The following PADI4 variants were observed in gnomAD, a reference collection of about 807,000 sequenced individuals.
PADI4 encodes the protein protein-arginine deiminase type-4.
Under a neutral mutation model 75.0 loss-of-function variants are expected in PADI4, and 62 were observed. That is an observed-to-expected ratio of 0.83 (90% CI 0.67 to 1.02). The LOEUF is 1.02. Ranked by LOEUF, PADI4 falls within the 50% of genes least tolerant of loss-of-function variation. The pLI, the probability that PADI4 is intolerant of heterozygous loss-of-function variation, is 0.00. For missense variants in PADI4, 845 were observed against 850.5 expected (o/e 0.99, Z 0.08); for synonymous variants, 361 against 348.1 (o/e 1.04, Z -0.41).
At chr1:17,330,001 G>A (rs11203365) in intron 1 of PADI4, among the ~76,000 whole-genome samples, 1 of 151,928 alleles carries the variant, frequency 6.6e-6, no homozygotes, top group Non-Finnish European at 1.5e-5. Flanking sequence ...TGTTTCTTAA[G>A]AGGAAGGTCC....
At chr1:17,326,929 G>GTTTTT in intron 1 of PADI4, among the ~76,000 whole-genome samples, 1 of 130,166 alleles carries the variant, frequency 7.7e-6, no homozygotes. Context: ...TTGAGACACA[G>GTTTTT]TCTCACCCTC....
intron 1 of PADI4, among the ~76,000 whole-genome samples, chr1:17,320,798 C>T (rs1244653380): frequency 6.6e-6 from 1 of 152,148 alleles, no homozygotes; most frequent in Non-Finnish European, 1.5e-5. Flanking sequence ...CCTATCTCAT[C>T]CTGTGACTTA....
rs2074758169 is a variant in PADI4 at position 17,356,260 on chromosome 1, G to T, written c.1456-97G>T. On this transcript the variant is annotated intron_variant, in intron 12 of 15. Coordinates refer to ENST00000375448, the MANE Select transcript of PADI4 (RefSeq NM_012387.3). The surrounding 1 kb of genome is among the most constrained non-coding windows in gnomAD (Gnocchi z 4.1). Reference sequence around the variant, plus strand: ...GGCAGTAGAGGAGGTGGCCAGCTTGGGTCCAAGTCCACACTACTCCCACCC... The same window carrying T: ...GGCAGTAGAGGAGGTGGCCAGCTTGTGTCCAAGTCCACACTACTCCCACCC... 1.5e-6 allele frequency: 2 copies of T among 1,290,754 alleles called. No homozygotes were observed. The highest frequency in any genetic ancestry group is 2.0e-4 in the Middle Eastern group (1 of 4,950). The allele number at this position is 1,290,754 out of a possible 1,614,324, so 80.0% of individuals were successfully genotyped here.
intron 8 of PADI4, 117 bp downstream of exon 8, chr1:17,342,519 G>A (rs1570055363): frequency 6.1e-6 from 4 of 657,204 alleles, no homozygotes; most frequent in Non-Finnish European, 1.1e-5. Context: ...CTGAGAGCTT[G>A]CTGCTTGTTG....
At chr1:17,354,732 G>A in intron 11 of PADI4, 45 bp downstream of exon 11, 6 of 1,540,714 alleles carry the variant, frequency 3.9e-6, no homozygotes, top group Non-Finnish European at 5.3e-6. Flanking sequence ...ACCCAGGTAT[G>A]CCGTAGAAAA....
Position 17,338,049 on chromosome 1 carries a change from C to T in PADI4, c.420C>T (p.Thr140=). ...CTGCTGGTGTCCAGAGGACCTGGAC[C>T]TGGGGCCCTTGTGGACAGGGTGCCA... The part of the protein sequence containing the change: ...TRAVKDQRTW[T]WGPCGQGAIL... The change falls in exon 5 of 16, where the codon ACC becomes ACT. Residue 140 remains threonine (T), a synonymous_variant. Coordinates refer to ENST00000375448, the MANE Select transcript of PADI4 (RefSeq NM_012387.3). The T allele has an allele frequency of 1.2e-6, 2 of 1,612,098 alleles. No individual in the cohort carries two copies. The highest frequency in any genetic ancestry group is 1.7e-6 in the Non-Finnish European group (2 of 1,178,210).
At chr1:17,343,307 C>G (rs2074456712) in intron 8 of PADI4, among the ~76,000 whole-genome samples, 1 of 152,170 alleles carries the variant, frequency 6.6e-6, no homozygotes, top group South Asian at 2.1e-4. Flanking sequence ...GGACGGGGCC[C>G]ATCTGCATTT....
chr1:17,333,704 G>T (rs1480775603), intron 2 of PADI4, among the ~76,000 whole-genome samples: 1 of 151,756 alleles, frequency 6.6e-6, no homozygotes, highest in Non-Finnish European at 1.5e-5. Flanking sequence ...AAACGACCCT[G>T]CCAGGCAGAG....
chr1:17,351,907 C>G (rs993604358), intron 10 of PADI4, among the ~76,000 whole-genome samples: 50 of 132,814 alleles, frequency 3.8e-4, no homozygotes, highest in African/African-American at 9.4e-4. Flanking sequence ...AGTCAGGGAG[C>G]TGATGGGAGG....
In PADI4 at chr1:17,331,008, C is replaced by T. The variant is rs760824369; in HGVS notation, c.132C>T (p.Ala44=). 13 of 1,595,096 alleles carry T rather than the reference C, an allele frequency of 8.1e-6. No homozygotes were observed. Among genetic ancestry groups the T allele is most frequent in the Non-Finnish European group, 1.1e-5 (13 of 1,172,720 alleles). Residue 44 remains alanine, a synonymous_variant, in exon 2 of 16, where the codon GCC becomes GCT. Transcript: ENST00000375448. ...PEDCTSFSIN[A]SPGVVVDIAH... ...ACTGCACGTCCTTCAGCATCAACGC[C>T]TCCCCAGGGGTGGTCGTGGATATTG... is the stretch of plus-strand genomic sequence containing the variant.
chr1:17,312,970 T>C (rs2501805), intron 1 of PADI4, among the ~76,000 whole-genome samples: 7,635 of 151,594 alleles, frequency 0.05, 244 homozygotes, highest in African/African-American at 0.081. Context: ...GGCGGGCAGA[T>C]CATGAGGTCA....
At chr1:17,336,335 GT>G in intron 4 of PADI4, 109 bp downstream of exon 4, 1 of 711,446 alleles carries the variant, frequency 1.4e-6, no homozygotes, top group Non-Finnish European at 2.5e-6. Flanking sequence ...CGTGTTAACT[GT>G]TAAAAAAAGA....
intron 1 of PADI4, among the ~76,000 whole-genome samples, chr1:17,313,707 C>T (rs1392035008): frequency 6.6e-6 from 1 of 151,986 alleles, no homozygotes; most frequent in South Asian, 2.1e-4. Flanking sequence ...CACTGAATGC[C>T]ACCCTCATGG....
At chr1:17,311,290 G>A (rs1421383885) in intron 1 of PADI4, among the ~76,000 whole-genome samples, 1 of 151,880 alleles carries the variant, frequency 6.6e-6, no homozygotes, top group East Asian at 1.9e-4. Context: ...AGGTGGCAAA[G>A]CCAGGACTGT....
chr1:17,359,903 C>T (rs1408096825), intron 15 of PADI4, among the ~76,000 whole-genome samples: 1 of 152,212 alleles, frequency 6.6e-6, no homozygotes, highest in Non-Finnish European at 1.5e-5. Context: ...TGGACATCAA[C>T]GTCTTGCAAG....
At chr1:17,341,917 C>A in intron 6 of PADI4, 26 bp from the exon 7 acceptor site, 1 of 1,596,556 alleles carries the variant, frequency 6.3e-7, no homozygotes, top group Non-Finnish European at 8.6e-7. Context: ...GGACGCAGAC[C>A]TGAGTCTCCC....
intron 10 of PADI4, among the ~76,000 whole-genome samples, chr1:17,349,502 C>T (rs567043307): frequency 2.0e-5 from 3 of 152,184 alleles, no homozygotes; most frequent in South Asian, 2.1e-4. Flanking sequence ...GTCAGAAGTT[C>T]GAGACCAGCC....
intron 4 of PADI4, 72 bp downstream of exon 4, chr1:17,336,298 G>A: frequency 2.8e-6 from 3 of 1,059,452 alleles, no homozygotes; most frequent in Non-Finnish European, 4.4e-6. Flanking sequence ...TGGTGATGGG[G>A]CAAATGCTGG....
At chr1:17,335,605 G>A (rs1016215621) in intron 3 of PADI4, among the ~76,000 whole-genome samples, 3 of 152,214 alleles carry the variant, frequency 2.0e-5, no homozygotes, top group Non-Finnish European at 2.9e-5. Context: ...GATGAGGGAG[G>A]AAGGATTTAC....
Sources: allele counts gnomAD v4.1 joint callset (sites outside exome capture counted in the v4.1 genomes callset), GRCh38; gene constraint gnomAD v4.1.1; non-coding constraint Gnocchi (gnomAD v3.1); transcripts MANE v1.5; gene names NCBI Gene and HGNC (gene_info 2026-07-23, HGNC 2026-07-21).